The following IFIH1 variants were observed in gnomAD, a reference collection of about 807,000 sequenced individuals.
IFIH1 encodes interferon induced with helicase C domain 1, also known as interferon-induced helicase C domain-containing protein 1.
Under a neutral mutation model 107.4 loss-of-function variants are expected in IFIH1, and 125 were observed. That is an observed-to-expected ratio of 1.16 (90% CI 1.01 to 1.35). The LOEUF (loss-of-function observed/expected upper bound fraction) is 1.35, where lower values mean the gene tolerates loss of function less well. IFIH1 is among the 40% of genes most tolerant of loss of function. The pLI is 0.00. For missense variants in IFIH1, 1,333 were observed against 1,213.7 expected, an observed-to-expected ratio of 1.10 and a Z score of -1.46; for synonymous variants, 458 against 413.2, an observed-to-expected ratio of 1.11 and a Z score of -1.31.
Position 162,267,581 on chromosome 2 carries a change from A to G in IFIH1, c.2808-12T>C. On this transcript the variant is annotated splice_polypyrimidine_tract_variant and intron_variant, in intron 14 of 15. Transcript: ENST00000649979. ...CAATGTAAAGTTCCCTATAAGTATC[A>G]AAGGGAAAGAATCATCATGGAGAAC... 6.4e-7 allele frequency: 1 copy of G among 1,561,076 alleles called. No homozygotes were observed. Among genetic ancestry groups the G allele is most frequent in the Non-Finnish European group, 8.8e-7 (1 of 1,131,206 alleles).
intron 12 of IFIH1, among the ~76,000 whole-genome samples, chr2:162,272,812 T>C (rs912394500): frequency 6.6e-6 from 1 of 152,080 alleles, no homozygotes; most frequent in Non-Finnish European, 1.5e-5. Context: ...GGCAGGTCAG[T>C]TTCTGGCATC....
intron 4 of IFIH1, among the ~76,000 whole-genome samples, chr2:162,291,994 G>A (rs1174161228): frequency 9.2e-5 from 14 of 151,780 alleles, no homozygotes; most frequent in Admixed American, 6.6e-4. Flanking sequence ...AGTAGATTGC[G>A]TTCAGACTTA....
At chr2:162,281,166 G>A (rs1027404752) in intron 7 of IFIH1, among the ~76,000 whole-genome samples, 162 bp downstream of exon 7, 7 of 151,930 alleles carry the variant, frequency 4.6e-5, no homozygotes, top group Non-Finnish European at 7.4e-5. Flanking sequence ...AGGCATATTA[G>A]TATTCTGTAG....
chr2:162,289,421 G>T (rs1013946011), intron 4 of IFIH1, among the ~76,000 whole-genome samples: 2 of 151,676 alleles, frequency 1.3e-5, no homozygotes, highest in African/African-American at 2.4e-5. Flanking sequence ...AATGTGAAAT[G>T]AAGTAACATA....
intron 3 of IFIH1, among the ~76,000 whole-genome samples, chr2:162,295,751 G>C (rs997678176): frequency 2.6e-5 from 4 of 151,946 alleles, no homozygotes; most frequent in Non-Finnish European, 5.9e-5. Flanking sequence ...AATTCCCAGA[G>C]GTATGTCTTG....
chr2:162,286,101 A>G (rs1682888950), intron 5 of IFIH1, among the ~76,000 whole-genome samples: 1 of 151,960 alleles, frequency 6.6e-6, no homozygotes, highest in South Asian at 2.1e-4. Context: ...GTGTCCCAGA[A>G]AAATGTCTGA....
At chr2:162,315,260 G>T (rs1683467564) in intron 1 of IFIH1, among the ~76,000 whole-genome samples, 1 of 152,114 alleles carries the variant, frequency 6.6e-6, no homozygotes, top group Non-Finnish European at 1.5e-5. Flanking sequence ...TGTTTTCAAC[G>T]CTTATTCCAG....
rs745948096 is a variant in IFIH1 at position 162,276,768 on chromosome 2, ATTTTCAG to A, written c.2216_2222del (p.Thr739MetfsTer7). The A allele has an allele frequency of 2.5e-6, 4 of 1,613,856 alleles. No individual in the cohort carries two copies. The Admixed American group carries it at 5.0e-5, about 20-fold the overall frequency. On this transcript the variant is annotated frameshift_variant, in exon 11 of 16. Transcript: ENST00000649979. LOFTEE classifies it high-confidence loss of function. Reference sequence around the variant, plus strand: ...TGACTCCTACTTCAGCAAATTTTTCATTTTCAGTAATCCACTGGGAAAGCGCATATGC... The same window carrying A: ...TGACTCCTACTTCAGCAAATTTTTCATAATCCACTGGGAAAGCGCATATGC...
chr2:162,281,258 A>G (rs374262623), intron 7 of IFIH1, 70 bp downstream of exon 7: 2 of 1,216,004 alleles, frequency 1.6e-6, no homozygotes, highest in African/African-American at 1.5e-5. Flanking sequence ...ATCTTATTTA[A>G]TAAGACCAAG....
At chr2:162,267,668 G>A (rs1213065104) in intron 14 of IFIH1, 99 bp from the exon 15 acceptor site, 13 of 863,238 alleles carry the variant, frequency 1.5e-5, no homozygotes, top group African/African-American at 4.9e-5. Flanking sequence ...GCATGCCTGC[G>A]GTATTCTACA....
chr2:162,271,791 G>A (rs1290836845), intron 13 of IFIH1, among the ~76,000 whole-genome samples: 3 of 152,040 alleles, frequency 2.0e-5, no homozygotes, highest in African/African-American at 7.3e-5. Flanking sequence ...TATAAACTTC[G>A]TGCAGCAGGA....
intron 1 of IFIH1, among the ~76,000 whole-genome samples, chr2:162,316,732 T>A (rs1683492945): frequency 6.6e-6 from 1 of 152,208 alleles, no homozygotes; most frequent in Non-Finnish European, 1.5e-5. Flanking sequence ...TTTATTTGTC[T>A]ACATGTCTTC....
chr2:162,314,416 T>TTTTCTTTCTTTCTTTCTTTC (rs760939547), intron 1 of IFIH1, among the ~76,000 whole-genome samples: 24 of 51,462 alleles, frequency 4.7e-4, no homozygotes, highest in East Asian at 7.9e-4. Flanking sequence ...TCTTTCTTTC[T>TTTTCTTTCTTTCTTTCTTTC]TTTCTTTCTT....
chr2:162,317,119 A>T (rs74932686), intron 1 of IFIH1, among the ~76,000 whole-genome samples: 4,549 of 151,908 alleles, frequency 0.03, 406 homozygotes, highest in Admixed American at 0.21. Context: ...AGATTGGAAA[A>T]CTTTTTCTCT....
chr2:162,269,077 C>A (rs574988675), intron 13 of IFIH1, among the ~76,000 whole-genome samples: 1 of 152,270 alleles, frequency 6.6e-6, no homozygotes, highest in Admixed American at 6.5e-5. Flanking sequence ...CTACTCTTTA[C>A]ACATTTGTAG....
At position 162,281,352 on chromosome 2, in the gene IFIH1, GGCTT is replaced by G. The variant is rs758450641; in HGVS notation, c.1496_1499del (p.Gln499ProfsTer8). ...CTTTTAAAATGTGTTCTTCAGCTTT[GGCTT>G]GCTTCGTGGCCCCTCCAACACCAGG... On this transcript the variant is annotated frameshift_variant, in exon 7 of 16. Coordinates refer to ENST00000649979, the MANE Select transcript of IFIH1 (RefSeq NM_022168.4). LOFTEE classifies it high-confidence loss of function. The G allele has an allele frequency of 2.5e-6, 4 of 1,612,290 alleles. No homozygotes were observed. The South Asian group carries it at 4.4e-5, about 18-fold the overall frequency.
In IFIH1 at chr2:162,268,117, A is replaced by G. The variant is rs1368052936; in HGVS notation, c.2777T>C (p.Met926Thr). ...TTCTGGGGTCATATTGACGTGATGC[A>G]TTTTCTCAATTACATGGATATCTTC... ...SGEDIHVIEK[M>T]HHVNMTPEFK... is the part of the protein sequence containing the mutation. The change falls in exon 14 of 16, where the codon ATG becomes ACG. Residue 926 changes from methionine to threonine, a missense_variant. Met to Thr is a moderately conservative substitution (Grantham distance 81). Transcript: ENST00000649979. 1.2e-6 allele frequency: 2 copies of G among 1,607,180 alleles called. No homozygotes were observed. Among genetic ancestry groups the G allele is most frequent in the Non-Finnish European group, 1.7e-6 (2 of 1,177,636 alleles).
At position 162,289,672 on chromosome 2, in the gene IFIH1, C is replaced by G. The variant is rs139477049; in HGVS notation, c.875-1317G>C. Among the ~76,000 whole-genome samples, 330 of 151,976 alleles carry G rather than the reference C, an allele frequency of 2.2e-3. 1 individual carries two copies. The highest frequency in any genetic ancestry group is 7.5e-3 in the African/African-American group (310 of 41,492). ...ACTTGTTGTGATAGTACTATCTGAA[C>G]AGGTAGGAAAATTCACACCAAATAC... is the stretch of plus-strand genomic sequence containing the variant. On this transcript the variant is annotated intron_variant, in intron 4 of 15. Coordinates refer to ENST00000649979, the MANE Select transcript of IFIH1 (RefSeq NM_022168.4).
intron 5 of IFIH1, among the ~76,000 whole-genome samples, chr2:162,283,656 A>G (rs1043069449): frequency 3.3e-5 from 5 of 151,928 alleles, no homozygotes; most frequent in Non-Finnish European, 7.4e-5. Flanking sequence ...CCTAGTCTGT[A>G]GGGTTTGTGT....
Sources: gnomAD v4.1 joint callset for allele counts (sites outside exome capture counted in the v4.1 genomes callset) on GRCh38, gnomAD v4.1.1 for gene constraint, MANE v1.5 for transcripts, NCBI Gene and HGNC (gene_info 2026-07-23, HGNC 2026-07-21) for gene names.